FRMD3: variants seen among roughly 807,000 people sequenced by gnomAD.
The protein encoded by FRMD3 is FERM domain containing 3, also known as FERM domain-containing protein 3.
Under a neutral mutation model 70.2 loss-of-function variants are expected in FRMD3, and 33 were observed. The observed-to-expected ratio is 0.47, with a 90% CI of 0.36 to 0.63. The LOEUF is 0.63. FRMD3 is among the 20% of genes least tolerant of loss of function. The pLI is 0.00. For synonymous variants in FRMD3, 279 were observed against 255.9 expected (o/e 1.09, Z -0.86); for missense variants, 632 against 711.4 (o/e 0.89, Z 1.27).
intron 12 of FRMD3, chr9:83,297,558 T>C (rs755126661): frequency 6.7e-5 from 22 of 328,244 alleles, no homozygotes; most frequent in Admixed American, 1.1e-4. Flanking sequence ...TGATATGTTT[T>C]ATCATTTCCT....
chr9:83,428,034 T>C (rs951268192), intron 1 of FRMD3, among the ~76,000 whole-genome samples: 3 of 152,158 alleles, frequency 2.0e-5, no homozygotes, highest in African/African-American at 4.8e-5. Context: ...CTTCTGCTTC[T>C]AGATGGAAAC....
intron 1 of FRMD3, among the ~76,000 whole-genome samples, chr9:83,403,631 A>G (rs1308458895): frequency 6.6e-6 from 1 of 152,128 alleles, no homozygotes; most frequent in African/African-American, 2.4e-5. Context: ...ACCACAGGAA[A>G]TTACAGTCTA....
chr9:83,393,767 A>C (rs1825734104), intron 1 of FRMD3, among the ~76,000 whole-genome samples: 1 of 152,070 alleles, frequency 6.6e-6, no homozygotes, highest in Non-Finnish European at 1.5e-5. Context: ...ACTGCGAGGG[A>C]TGGGGAGCAG....
the FRMD3 span, among the ~76,000 whole-genome samples, chr9:83,556,395 T>C: frequency 6.6e-6 from 1 of 152,242 alleles, no homozygotes; most frequent in Admixed American, 6.5e-5. Flanking sequence ...TGTCTTTGGC[T>C]TGCCCATTAG....
At chr9:83,254,006 A>G (rs1377101770) in intron 13 of FRMD3, among the ~76,000 whole-genome samples, 2 of 152,058 alleles carry the variant, frequency 1.3e-5, no homozygotes, top group African/African-American at 4.8e-5. Flanking sequence ...TCAGCAAACT[A>G]TCACAAGGAC....
intron 3 of FRMD3, among the ~76,000 whole-genome samples, chr9:83,370,623 T>A (rs941908798): frequency 3.3e-5 from 5 of 152,166 alleles, no homozygotes; most frequent in African/African-American, 9.6e-5. Context: ...AGACATTATG[T>A]GTTTTAGGGT....
At chr9:83,287,542 C>G (rs1834267729) in intron 13 of FRMD3, among the ~76,000 whole-genome samples, 1 of 152,194 alleles carries the variant, frequency 6.6e-6, no homozygotes, top group Admixed American at 6.5e-5. Context: ...AATTCTCCTG[C>G]AAATCACACG....
At chr9:83,467,492 T>C in intron 1 of FRMD3, 1 of 737,292 alleles carries the variant, frequency 1.4e-6, no homozygotes, top group Non-Finnish European at 2.3e-6. Flanking sequence ...CCCTCCCGAA[T>C]TTCACATCCC....
chr9:83,420,678 T>A (rs72745054), intron 1 of FRMD3, among the ~76,000 whole-genome samples: 1 of 152,172 alleles, frequency 6.6e-6, no homozygotes, highest in Admixed American at 6.5e-5. Context: ...TGGTGGAAGA[T>A]GTTTGAGTCA....
intron 3 of FRMD3, among the ~76,000 whole-genome samples, chr9:83,371,704 C>A (rs1395672190): frequency 6.6e-6 from 1 of 152,190 alleles, no homozygotes; most frequent in Non-Finnish European, 1.5e-5. Flanking sequence ...CAGCCTTGCT[C>A]CAGCAGCCTG....
chr9:83,435,697 C>A (rs932649529), intron 1 of FRMD3, among the ~76,000 whole-genome samples: 1 of 152,130 alleles, frequency 6.6e-6, no homozygotes, highest in South Asian at 2.1e-4. Flanking sequence ...GGGCAAGGGG[C>A]GTTAGAATTA....
the FRMD3 span, among the ~76,000 whole-genome samples, chr9:83,583,421 A>G: frequency 6.6e-6 from 1 of 151,902 alleles, no homozygotes; most frequent in African/African-American, 2.4e-5. Context: ...TGCCAGCCCC[A>G]TTTTCTCACA....
At chr9:83,243,061 TTTC>T (rs1831937152), downstream of FRMD3, 7 of 776,414 alleles carry the variant, frequency 9.0e-6, no homozygotes, top group Middle Eastern at 3.6e-4. Flanking sequence ...GCAAGGTTCC[TTTC>T]TTCTTCTGTG....
chr9:83,266,654 C>T (rs374123081), intron 13 of FRMD3, among the ~76,000 whole-genome samples: 2 of 152,096 alleles, frequency 1.3e-5, no homozygotes, highest in African/African-American at 4.8e-5. Context: ...GGAGGGGGAG[C>T]GTGTTGTGAT....
intron 1 of FRMD3, among the ~76,000 whole-genome samples, chr9:83,417,074 G>T (rs1021520265): frequency 2.6e-5 from 4 of 152,060 alleles, no homozygotes; most frequent in African/African-American, 9.7e-5. Context: ...TTAACCACCA[G>T]TAAACTTGAA....
intron 5 of FRMD3, among the ~76,000 whole-genome samples, chr9:83,341,832 C>A (rs1034232009): frequency 2.1e-4 from 32 of 152,152 alleles, no homozygotes; most frequent in Non-Finnish European, 4.0e-4. Flanking sequence ...CCAAACACAA[C>A]TGAGAACAGG....
At chr9:83,476,463 G>A (rs962180353) in intron 1 of FRMD3, among the ~76,000 whole-genome samples, 2 of 151,994 alleles carry the variant, frequency 1.3e-5, no homozygotes, top group Non-Finnish European at 2.9e-5. Flanking sequence ...AAATATTGAA[G>A]AAGTGCTGGT....
intron 6 of FRMD3, among the ~76,000 whole-genome samples, chr9:83,315,368 C>T (rs1052286756): frequency 1.8e-4 from 27 of 152,238 alleles, no homozygotes; most frequent in African/African-American, 4.6e-4. Flanking sequence ...TGGGATGTGC[C>T]GTGTGGAACA....
chr9:83,342,043 ATCTC>A (rs112748690), intron 5 of FRMD3, among the ~76,000 whole-genome samples: 75 of 139,744 alleles, frequency 5.4e-4, no homozygotes, highest in South Asian at 9.4e-4. Flanking sequence ...TGACATAGTC[ATCTC>A]TCTCTCTCTC....
Sources: gnomAD v4.1 joint callset for allele counts (sites outside exome capture counted in the v4.1 genomes callset) on GRCh38, gnomAD v4.1.1 for gene constraint, MANE v1.5 for transcripts, NCBI Gene and HGNC (gene_info 2026-07-23, HGNC 2026-07-21) for gene names.